SPHKAP: variants seen among roughly 807,000 people sequenced by gnomAD.
SPHKAP encodes A-kinase anchor protein SPHKAP.
SPHKAP carries 67 observed loss-of-function variants against 137.5 expected under a neutral mutation model. The observed-to-expected ratio is 0.49, with a 90% confidence interval of 0.40 to 0.60. The LOEUF (loss-of-function observed/expected upper bound fraction) is 0.60. SPHKAP is among the 20% of genes least tolerant of loss of function. The probability of loss-of-function intolerance (pLI) is 0.00; values close to 1 mark genes in which losing one functional copy is unlikely to be tolerated. For synonymous variants in SPHKAP, 813 were observed against 785.3 expected, an observed-to-expected ratio of 1.04 and a Z score of -0.59; for missense variants, 2,097 against 2,069.3, an observed-to-expected ratio of 1.01 and a Z score of -0.26.
intron 2 of SPHKAP, chr2:228,131,709 T>C (rs986084551): frequency 1.2e-6 from 1 of 828,652 alleles, no homozygotes; most frequent in Non-Finnish European, 1.5e-6. Context: ...CTGTTATTCA[T>C]GGCTAAGTTT....
chr2:228,091,508 A>C (rs1440291674), intron 3 of SPHKAP, among the ~76,000 whole-genome samples: 1 of 152,236 alleles, frequency 6.6e-6, no homozygotes, highest in South Asian at 2.1e-4. Flanking sequence ...AAATCTTCAC[A>C]ATCTATACAC....
intron 3 of SPHKAP, among the ~76,000 whole-genome samples, chr2:228,052,875 A>G (rs1008008237): frequency 2.0e-5 from 3 of 152,156 alleles, no homozygotes; most frequent in Non-Finnish European, 4.4e-5. Flanking sequence ...GTGCTTGTTA[A>G]CTAATGGATT....
chr2:227,999,297 A>T (rs1363934978), intron 7 of SPHKAP, among the ~76,000 whole-genome samples: 4 of 152,186 alleles, frequency 2.6e-5, no homozygotes, highest in African/African-American at 9.6e-5. Flanking sequence ...TTCTTGTTGA[A>T]ATATTGAGAT....
rs1447693195 is a variant in SPHKAP, at chr2:228,016,699, T to A, written c.4155A>T (p.Ser1385=). ...TAAGAGAAGCAGTTTTGCTCAAAGA[T>A]GACACTGGGGGCTGTTTACATTCGG... ...SVTECKQPPV[S]SLSKTASLTN... is the part of the protein sequence containing the mutation. Residue 1385 remains serine (S), a synonymous_variant, in exon 7 of 12, where the codon TCA becomes TCT. Transcript: ENST00000392056. 5 of 1,614,142 alleles carry A rather than the reference T, an allele frequency of 3.1e-6. No homozygotes were observed. The highest frequency in any genetic ancestry group is 4.2e-6 in the Non-Finnish European group (5 of 1,180,028).
chr2:228,172,996 A>G, intron 1 of SPHKAP: 1 of 981,070 alleles, frequency 1.0e-6, no homozygotes, highest in Non-Finnish European at 1.2e-6. Flanking sequence ...AACTTGCTGA[A>G]TAGCATTAAT....
chr2:227,993,909 T>C (rs1344089448), intron 8 of SPHKAP: 2 of 326,940 alleles, frequency 6.1e-6, no homozygotes, highest in Non-Finnish European at 4.4e-6. Context: ...AGATCACACC[T>C]AGGGGGTAAC....
chr2:228,070,880 G>C (rs1696983386), intron 3 of SPHKAP, among the ~76,000 whole-genome samples: 1 of 152,120 alleles, frequency 6.6e-6, no homozygotes, highest in Non-Finnish European at 1.5e-5. Flanking sequence ...AACTGAGTTA[G>C]AGACATTATG....
At chr2:228,138,070 C>A (rs947691956) in intron 1 of SPHKAP, among the ~76,000 whole-genome samples, 1 of 152,128 alleles carries the variant, frequency 6.6e-6, no homozygotes, top group African/African-American at 2.4e-5. Context: ...CCTGCTGAGC[C>A]CAGCTGTAGA....
chr2:228,154,464 G>C (rs948277375), intron 1 of SPHKAP, among the ~76,000 whole-genome samples: 2 of 100,886 alleles, frequency 2.0e-5, no homozygotes, highest in African/African-American at 7.7e-5. Flanking sequence ...TTCTATTTTT[G>C]TACAATTTGT....
intron 1 of SPHKAP, chr2:228,132,521 A>C: frequency 1.1e-6 from 1 of 884,414 alleles, no homozygotes; most frequent in Non-Finnish European, 1.4e-6. Context: ...GACTCAGAAT[A>C]GTACCATTAA....
At chr2:228,028,051 C>G (rs1695127891) in intron 3 of SPHKAP, 1 of 985,162 alleles carries the variant, frequency 1.0e-6, no homozygotes, top group South Asian at 4.7e-5. Flanking sequence ...CTCAGCTTCC[C>G]ACTGGTCACA....
At chr2:228,146,374 A>G (rs1281337750) in intron 1 of SPHKAP, among the ~76,000 whole-genome samples, 4 of 152,090 alleles carry the variant, frequency 2.6e-5, no homozygotes, top group African/African-American at 9.7e-5. Flanking sequence ...GAGTGAGAGT[A>G]TTTTCACTGT....
chr2:228,037,824 A>G (rs1419929159), intron 3 of SPHKAP, among the ~76,000 whole-genome samples: 1 of 152,250 alleles, frequency 6.6e-6, no homozygotes, highest in Non-Finnish European at 1.5e-5. Flanking sequence ...ATGCACATTA[A>G]CAGCCCTGAA....
At chr2:228,135,907 G>GA (rs1036922099) in intron 1 of SPHKAP, among the ~76,000 whole-genome samples, 1 of 152,060 alleles carries the variant, frequency 6.6e-6, no homozygotes, top group Non-Finnish European at 1.5e-5. Flanking sequence ...TAATATCAAA[G>GA]AAAATGTAGG....
At chr2:228,060,694 T>C (rs1450101025) in intron 3 of SPHKAP, among the ~76,000 whole-genome samples, 1 of 152,194 alleles carries the variant, frequency 6.6e-6, no homozygotes, top group African/African-American at 2.4e-5. Flanking sequence ...ATGAGGAATG[T>C]TTATTCCATA....
At chr2:228,139,613 T>C (rs976029063) in intron 1 of SPHKAP, among the ~76,000 whole-genome samples, 3 of 152,214 alleles carry the variant, frequency 2.0e-5, no homozygotes, top group African/African-American at 7.2e-5. Flanking sequence ...AATCTCAGGC[T>C]TTCCCAAGAC....
rs142431950 is a variant in SPHKAP at position 228,058,697 on chromosome 2, A to C, written c.247-31154T>G. Among the ~76,000 whole-genome samples the C allele has an allele frequency of 1.5e-3, 231 of 152,336 alleles. 1 individual carries two copies. Among genetic ancestry groups the C allele is most frequent in the African/African-American group, 5.1e-3 (213 of 41,584 alleles). The stretch of plus-strand genomic sequence containing the variant: ...TGCTTGCCTTAGCATTCTTTTCAAG[A>C]GTTTCTATGTAGCACTGTGGCAACA... On this transcript the variant is annotated intron_variant, in intron 3 of 11. Coordinates refer to ENST00000392056, the MANE Select transcript of SPHKAP (RefSeq NM_001142644.2).
chr2:228,061,058 C>A (rs998710771), intron 3 of SPHKAP, among the ~76,000 whole-genome samples: 2 of 151,988 alleles, frequency 1.3e-5, no homozygotes, highest in African/African-American at 2.4e-5. Flanking sequence ...TACTCCATTT[C>A]GATATGTGTG....
At chr2:228,051,148 C>G (rs1484445524) in intron 3 of SPHKAP, among the ~76,000 whole-genome samples, 1 of 152,030 alleles carries the variant, frequency 6.6e-6, no homozygotes, top group Non-Finnish European at 1.5e-5. Flanking sequence ...TGTTATATCA[C>G]AATTTTGGGC....
Sources: allele counts gnomAD v4.1 joint callset (sites outside exome capture counted in the v4.1 genomes callset), GRCh38; gene constraint gnomAD v4.1.1; transcripts MANE v1.5; gene names NCBI Gene and HGNC (gene_info 2026-07-23, HGNC 2026-07-21).